Variants in GAS7 observed in about 807,000 individuals in gnomAD.
GAS7 encodes growth arrest specific 7, also known as growth arrest-specific protein 7.
A neutral mutation model predicts 71.1 loss-of-function variants in GAS7; 28 were observed. The ratio of observed to expected loss-of-function variants is 0.39; its 90% CI spans 0.29 to 0.54. The LOEUF (loss-of-function observed/expected upper bound fraction) is 0.54, where lower values mean the gene tolerates loss of function less well. Among genes scored for constraint, GAS7 ranks in the 20% least tolerant of loss-of-function variants. The pLI, the probability that GAS7 is intolerant of heterozygous loss-of-function variation, is 0.62. For missense variants in GAS7, 436 were observed against 627.8 expected, an observed-to-expected ratio of 0.69 and a Z score of 3.27; for synonymous variants, 258 against 245.8, an observed-to-expected ratio of 1.05 and a Z score of -0.46.
At chr17:9,957,323 G>T (rs1204744534) in intron 5 of GAS7, among the ~76,000 whole-genome samples, 2 of 152,172 alleles carry the variant, frequency 1.3e-5, no homozygotes, top group African/African-American at 4.8e-5. Flanking sequence ...ATATGGCTCA[G>T]CAGGAAGCGA....
chr17:10,175,600 G>T (rs111512920), intron 1 of GAS7, among the ~76,000 whole-genome samples: 28 of 31,074 alleles, frequency 9.0e-4, no homozygotes, highest in African/African-American at 4.5e-3. Flanking sequence ...ATTTTATTTA[G>T]TTAGTTAGTT....
intron 2 of GAS7, among the ~76,000 whole-genome samples, chr17:10,003,941 C>T (rs1038502590): frequency 6.6e-6 from 1 of 152,196 alleles, no homozygotes; most frequent in African/African-American, 2.4e-5. Context: ...TACCCCACTC[C>T]AAGGTCTTCC....
intron 1 of GAS7, among the ~76,000 whole-genome samples, chr17:10,111,802 A>C (rs1343419779): frequency 6.6e-6 from 1 of 152,204 alleles, no homozygotes; most frequent in Non-Finnish European, 1.5e-5. Flanking sequence ...GGGAGTTCCA[A>C]AATTGGACCA....
At chr17:9,927,083 A>AT (rs1300165106) in intron 9 of GAS7, 6 of 290,254 alleles carry the variant, frequency 2.1e-5, no homozygotes, top group Middle Eastern at 1.1e-3. Context: ...AATTTTTAGA[A>AT]TTTTTTACTA....
chr17:10,054,276 A>G (rs9899661), intron 1 of GAS7, among the ~76,000 whole-genome samples: 8,829 of 152,152 alleles, frequency 0.058, 512 homozygotes, highest in African/African-American at 0.16. Flanking sequence ...AATGAAATGA[A>G]TAATGGCAAC....
intron 2 of GAS7, among the ~76,000 whole-genome samples, chr17:10,015,433 G>A (rs1454550694): frequency 2.0e-5 from 3 of 152,138 alleles, no homozygotes; most frequent in Admixed American, 1.3e-4. Context: ...ATGCCACCTG[G>A]AGAGCGACAG....
intron 1 of GAS7, among the ~76,000 whole-genome samples, chr17:10,156,469 T>C (rs1444269434): frequency 2.0e-5 from 3 of 152,320 alleles, no homozygotes; most frequent in Middle Eastern, 3.4e-3. Flanking sequence ...CAAATAATTT[T>C]GTGTTTTAAC....
At chr17:10,105,967 T>C (rs1006091613) in intron 1 of GAS7, among the ~76,000 whole-genome samples, 3 of 152,202 alleles carry the variant, frequency 2.0e-5, no homozygotes, top group African/African-American at 7.2e-5. Context: ...CTCACAACCA[T>C]CACCTTCTCA....
chr17:10,184,518 A>G (rs768397069), intron 1 of GAS7, among the ~76,000 whole-genome samples: 4 of 152,284 alleles, frequency 2.6e-5, no homozygotes, highest in Non-Finnish European at 5.9e-5. Flanking sequence ...TCTTGCAGAC[A>G]AACTGAAAAC....
chr17:9,940,222 C>A, intron 7 of GAS7, 22 bp from the exon 8 acceptor site: 1 of 1,595,882 alleles, frequency 6.3e-7, no homozygotes, highest in Non-Finnish European at 8.6e-7. Context: ...GAAAACCCAA[C>A]ACACATCAGC....
chr17:9,980,219 T>C (rs2070362333), intron 3 of GAS7, among the ~76,000 whole-genome samples: 1 of 152,238 alleles, frequency 6.6e-6, no homozygotes, highest in Non-Finnish European at 1.5e-5. Flanking sequence ...GCTCTTCTGC[T>C]GGCAACTGTC....
At position 9,959,720 on chromosome 17, in the gene GAS7, C is replaced by T. The variant is rs1304040020; in HGVS notation, c.472-465G>A. ...GTCCAAAACGTCAAACCTAAATACA[C>T]ACAATGTGCACTGGGGCGCTGCTCG... On this transcript the variant is annotated intron_variant, in intron 4 of 13. Coordinates refer to ENST00000432992, the MANE Select transcript of GAS7 (RefSeq NM_201433.2). The surrounding 1 kb of genome is among the most constrained non-coding windows in gnomAD (Gnocchi z 5.0). Among the ~76,000 whole-genome samples the T allele has an allele frequency of 6.6e-6, 1 of 152,146 alleles. No homozygotes were observed. The highest frequency in any genetic ancestry group is 2.4e-5 in the African/African-American group (1 of 41,422).
intron 1 of GAS7, among the ~76,000 whole-genome samples, chr17:10,145,742 G>A (rs995723834): frequency 6.6e-6 from 1 of 152,180 alleles, no homozygotes; most frequent in Non-Finnish European, 1.5e-5. Flanking sequence ...AGGGCAGATG[G>A]CCCAGGAGTC....
At chr17:10,020,182 G>C (rs998188380) in intron 1 of GAS7, 1 of 291,552 alleles carries the variant, frequency 3.4e-6, no homozygotes, top group Non-Finnish European at 6.5e-6. Context: ...TTTCTCCACG[G>C]CCCCCTAGAA....
In GAS7 at chr17:9,919,726, C is replaced by A; in HGVS notation, c.1139-21G>T. On this transcript the variant is annotated intron_variant, in intron 11 of 13. Transcript: ENST00000432992. The surrounding 1 kb of genome is among the most constrained non-coding windows in gnomAD (Gnocchi z 5.0). The stretch of plus-strand genomic sequence containing the variant: ...GTCTCCTGGAAAAAGACCACAGTCA[C>A]CATCATGAAGCATCCTATCCTCACC... 3.2e-6 allele frequency: 5 copies of A among 1,570,900 alleles called. No homozygotes were observed. The highest frequency in any genetic ancestry group is 4.4e-6 in the Non-Finnish European group (5 of 1,140,738).
At chr17:9,958,139 C>T (rs554214738) in intron 5 of GAS7, among the ~76,000 whole-genome samples, 4 of 152,242 alleles carry the variant, frequency 2.6e-5, no homozygotes, top group African/African-American at 9.6e-5. Flanking sequence ...TTGACTGAGA[C>T]GGGAAGAAGT....
chr17:9,951,296 G>A (rs1365333653), intron 5 of GAS7, among the ~76,000 whole-genome samples: 2 of 152,192 alleles, frequency 1.3e-5, no homozygotes, highest in East Asian at 1.9e-4. Context: ...AAAGTAAATT[G>A]AGCATTAAGA....
chr17:9,955,887 C>T (rs1016268414), intron 5 of GAS7, among the ~76,000 whole-genome samples: 2 of 152,184 alleles, frequency 1.3e-5, no homozygotes, highest in African/African-American at 4.8e-5. Context: ...AATGGAGTGA[C>T]ACCCCCATCG....
At chr17:9,940,260 C>T in intron 7 of GAS7, 60 bp from the exon 8 acceptor site, 1 of 1,230,454 alleles carries the variant, frequency 8.1e-7, no homozygotes, top group Non-Finnish European at 1.2e-6. Context: ...TGGGTCTGCC[C>T]TGCTGCCCTG....
Sources: gnomAD v4.1 joint callset for allele counts (sites outside exome capture counted in the v4.1 genomes callset) on GRCh38, gnomAD v4.1.1 for gene constraint, Gnocchi (gnomAD v3.1) non-coding constraint, MANE v1.5 for transcripts, NCBI Gene and HGNC (gene_info 2026-07-23, HGNC 2026-07-21) for gene names.